ADAMTS9: variants seen among roughly 807,000 people sequenced by gnomAD.
The protein encoded by ADAMTS9 is ADAM metallopeptidase with thrombospondin type 1 motif 9, also known as A disintegrin and metalloproteinase with thrombospondin motifs 9.
Under a neutral mutation model 257.1 loss-of-function variants are expected in ADAMTS9, and 107 were observed. That is an observed-to-expected ratio of 0.42 (90% CI 0.36 to 0.49). ADAMTS9 has a LOEUF of 0.49. Ranked by LOEUF, ADAMTS9 falls within the 20% of genes least tolerant of loss-of-function variation. The pLI is 0.03. For synonymous variants in ADAMTS9, 982 were observed against 880.9 expected (o/e 1.11, Z -2.03); for missense variants, 2,353 against 2,469.1 (o/e 0.95, Z 1.00).
intron 23 of ADAMTS9, among the ~76,000 whole-genome samples, chr3:64,605,294 G>C (rs1031450924): frequency 3.3e-5 from 5 of 152,148 alleles, no homozygotes; most frequent in Non-Finnish European, 7.3e-5. Context: ...ATCTGAAAGG[G>C]AGCAGCCAAG....
chr3:64,538,254 A>G (rs562092478), intron 37 of ADAMTS9, among the ~76,000 whole-genome samples: 1 of 152,278 alleles, frequency 6.6e-6, no homozygotes, highest in Admixed American at 6.5e-5. Context: ...CTCCAGTAAA[A>G]AGGATGGTGC....
rs1206115998 is a variant in ADAMTS9, at chr3:64,573,054, C to T, written c.4357-4519G>A. 7.5e-5 allele frequency among the ~76,000 whole-genome samples: 10 copies of T among 132,660 alleles called. No homozygotes were observed. In the East Asian group the frequency reaches 1.6e-3, roughly 22 times the overall value. 87.0% of individuals were successfully genotyped at this position (132,660 alleles called of 152,430 possible). The stretch of plus-strand genomic sequence containing the variant: ...GATCCTCCACTGCACTCCAGCCTGG[C>T]GACGGAGTGAGTGAGACTCCATCTT... On this transcript the variant is annotated intron_variant, in intron 28 of 39. Transcript: ENST00000498707.
intron 39 of ADAMTS9, among the ~76,000 whole-genome samples, chr3:64,518,771 T>TA (rs1388802745): frequency 7.3e-6 from 1 of 137,314 alleles, no homozygotes; most frequent in Non-Finnish European, 1.6e-5. Context: ...TTCATTTTTT[T>TA]TTTTTTTTTT....
At chr3:64,573,079 TAAAAA>T (rs57570382) in intron 28 of ADAMTS9, among the ~76,000 whole-genome samples, 25,677 of 119,846 alleles carry the variant, frequency 0.21, 2,618 homozygotes, top group Middle Eastern at 0.29. Flanking sequence ...GACTCCATCT[TAAAAA>T]AAAAAAAAAA....
intron 3 of ADAMTS9, among the ~76,000 whole-genome samples, chr3:64,668,649 G>A (rs889610937): frequency 2.0e-5 from 3 of 152,150 alleles, no homozygotes; most frequent in African/African-American, 4.8e-5. Flanking sequence ...CTGGTGGGTA[G>A]GAAGTCCTCT....
intron 30 of ADAMTS9, among the ~76,000 whole-genome samples, chr3:64,561,045 C>A (rs1009544539): frequency 6.9e-6 from 1 of 145,266 alleles, no homozygotes; most frequent in African/African-American, 2.6e-5. Context: ...ATCAACGGAG[C>A]AGTTTCTTCA....
At chr3:64,678,130 C>T (rs1295015553) in intron 3 of ADAMTS9, among the ~76,000 whole-genome samples, 2 of 152,190 alleles carry the variant, frequency 1.3e-5, no homozygotes, top group Admixed American at 6.5e-5. Context: ...CAGGAGACCT[C>T]TCTCCCAAGG....
In ADAMTS9 at chr3:64,642,709, G is replaced by A. The variant is rs147555459; in HGVS notation, c.1711-716C>T. On this transcript the variant is annotated intron_variant, in intron 11 of 39. Transcript: ENST00000498707. The stretch of plus-strand genomic sequence containing the variant: ...TGCCATTGTTGGGGTGTGAAGCCCT[G>A]ACACAAAGCCGAGGTCACTGAGCAG... 5.8e-3 allele frequency among the ~76,000 whole-genome samples: 877 copies of A among 152,336 alleles called. 7 individuals are homozygous for A. The highest frequency in any genetic ancestry group is 0.018 in the South Asian group (86 of 4,826).
At chr3:64,672,270 CA>C (rs1269437011) in intron 3 of ADAMTS9, among the ~76,000 whole-genome samples, 1 of 152,190 alleles carries the variant, frequency 6.6e-6, no homozygotes, top group African/African-American at 2.4e-5. Context: ...GTTTCTGAAG[CA>C]AAGTGTCAGG....
Position 64,517,679 on chromosome 3 carries a change from A to G in ADAMTS9, c.*6-558T>C, listed in dbSNP as rs184323028. On this transcript the variant is annotated intron_variant, in intron 39 of 39. Transcript: ENST00000498707. ...CCCCCACCTGAGATAACTGCTCTTC[A>G]TATATTGGTATTTTGGTATTTCCTT... Among the ~76,000 whole-genome samples the G allele has an allele frequency of 5.3e-5, 8 of 151,978 alleles. No individual in the cohort carries two copies. In the East Asian group the frequency reaches 1.5e-3, roughly 29 times the overall value.
At chr3:64,524,551 C>T (rs772733227) in intron 38 of ADAMTS9, among the ~76,000 whole-genome samples, 1 of 152,170 alleles carries the variant, frequency 6.6e-6, no homozygotes, top group Non-Finnish European at 1.5e-5. Flanking sequence ...TTTTCCTCCC[C>T]CAATATCCCA....
chr3:64,590,811 G>C (rs1032199496), intron 28 of ADAMTS9, among the ~76,000 whole-genome samples: 2 of 152,058 alleles, frequency 1.3e-5, no homozygotes, highest in Admixed American at 1.3e-4. Flanking sequence ...AACATTTTTA[G>C]GTTTGTCATG....
intron 30 of ADAMTS9, among the ~76,000 whole-genome samples, chr3:64,555,547 A>G (rs571724421): frequency 2.6e-5 from 4 of 152,104 alleles, no homozygotes; most frequent in Non-Finnish European, 5.9e-5. Context: ...CTGACTGGTG[A>G]CCCCTGGGGT....
intron 18 of ADAMTS9, 30 bp from the exon 19 acceptor site, chr3:64,621,270 G>T: frequency 6.3e-7 from 1 of 1,594,710 alleles, no homozygotes; most frequent in Non-Finnish European, 8.5e-7. Flanking sequence ...AAATTATTCA[G>T]GGAAAATAAT....
At chr3:64,588,233 T>C (rs1221925023) in intron 28 of ADAMTS9, 2 of 152,176 alleles carry the variant, frequency 1.3e-5, no homozygotes, top group African/African-American at 2.4e-5. Flanking sequence ...TTTATGGTGG[T>C]GGCGAAGCTG....
rs770188532 is a variant in ADAMTS9 at position 64,655,631 on chromosome 3, G to A, written c.1114C>T (p.His372Tyr). 1.9e-6 allele frequency: 3 copies of A among 1,614,144 alleles called. No individual in the cohort carries two copies. The highest frequency in any genetic ancestry group is 2.2e-5 in the East Asian group (1 of 44,880). Residue 372 changes from histidine to tyrosine, a missense_variant, in exon 6 of 40, where the codon CAT (histidine) becomes TAT (tyrosine). Coordinates refer to ENST00000498707, the MANE Select transcript of ADAMTS9 (RefSeq NM_182920.2). Reference protein sequence around the residue: ...TTLKNFCQWQHSKNSPGGIHH... With the variant: ...TTLKNFCQWQYSKNSPGGIHH... ...ATTCCACCTGGACTGTTCTTCGAAT[G>A]CTGCCACTGGCAAAAGTTTTTTAAT... is the stretch of plus-strand genomic sequence containing the variant.
In ADAMTS9 at chr3:64,527,558, T is replaced by C. The variant is rs1032278773; in HGVS notation, c.5719-5298A>G. 8.2e-4 allele frequency among the ~76,000 whole-genome samples: 4 copies of C among 4,858 alleles called. No individual in the cohort carries two copies. The East Asian group carries it at 0.062, about 76-fold the overall frequency. The allele number at this position is 4,858 out of a possible 152,430, so 3.2% of individuals were successfully genotyped here. On this transcript the variant is annotated intron_variant, in intron 38 of 39. Transcript: ENST00000498707. ...TATAATGATTATGGTATAATGTTTATAATGATTATGGGGCTAAAATCTGCC... is the reference window on the plus strand; with the variant it reads ...TATAATGATTATGGTATAATGTTTACAATGATTATGGGGCTAAAATCTGCC...
chr3:64,622,330 A>G lies in ADAMTS9; in HGVS notation c.2557-3T>C. On this transcript the variant is annotated splice_polypyrimidine_tract_variant and splice_region_variant and intron_variant, in intron 17 of 39. Coordinates refer to ENST00000498707, the MANE Select transcript of ADAMTS9 (RefSeq NM_182920.2). ...TACAACTTTCCCACCGACAAAACCT[A>G]GAATGTGTGGACAAAACAGAAACGA... The G allele has an allele frequency of 2.5e-6, 4 of 1,613,672 alleles. No individual in the cohort carries two copies. Among genetic ancestry groups the G allele is most frequent in the Non-Finnish European group, 3.4e-6 (4 of 1,179,870 alleles).
At chr3:64,666,009 A>G (rs1480275099) in intron 3 of ADAMTS9, among the ~76,000 whole-genome samples, 5 of 152,226 alleles carry the variant, frequency 3.3e-5, no homozygotes, top group Admixed American at 3.3e-4. Flanking sequence ...GTTGAAATAA[A>G]CAACAGCAAT....
Sources: gnomAD v4.1 joint callset for allele counts (sites outside exome capture counted in the v4.1 genomes callset) on GRCh38, gnomAD v4.1.1 for gene constraint, MANE v1.5 for transcripts, NCBI Gene and HGNC (gene_info 2026-07-23, HGNC 2026-07-21) for gene names.